The following NDEL1 variants were observed in gnomAD, a reference collection of about 807,000 sequenced individuals.
NDEL1 encodes the protein nuclear distribution protein nudE-like 1.
Under a neutral mutation model 45.7 loss-of-function variants are expected in NDEL1, and 9 were observed. The ratio of observed to expected loss-of-function variants is 0.20; its 90% CI spans 0.12 to 0.34. The LOEUF is 0.34. Ranked by LOEUF, NDEL1 falls within the 10% of genes least tolerant of loss-of-function variation. The pLI, the probability that NDEL1 is intolerant of heterozygous loss-of-function variation, is 1.00. For missense variants in NDEL1, 306 were observed against 406.2 expected, an observed-to-expected ratio of 0.75 and a Z score of 2.12; for synonymous variants, 133 against 158.6, an observed-to-expected ratio of 0.84 and a Z score of 1.21.
chr17:8,429,386 T>C (rs562195562), intron 1 of NDEL1, among the ~76,000 whole-genome samples: 3 of 152,306 alleles, frequency 2.0e-5, no homozygotes, highest in South Asian at 2.1e-4. Flanking sequence ...TTGGGGGAGA[T>C]TGGACATCTC....
At chr17:8,459,451 G>A (rs530523685) in intron 7 of NDEL1, among the ~76,000 whole-genome samples, 2 of 152,166 alleles carry the variant, frequency 1.3e-5, no homozygotes, top group Non-Finnish European at 2.9e-5. Context: ...TACAGACAAA[G>A]GGTATCAGTT....
intron 1 of NDEL1, among the ~76,000 whole-genome samples, chr17:8,428,819 T>G (rs373111220): frequency 4.6e-4 from 70 of 151,948 alleles, no homozygotes; most frequent in African/African-American, 1.2e-3. Flanking sequence ...GACTACGGGC[T>G]CCTGCCACCA....
At chr17:8,422,444 G>T (rs1908727410) in intron 1 of NDEL1, among the ~76,000 whole-genome samples, 2 of 151,876 alleles carry the variant, frequency 1.3e-5, no homozygotes, top group South Asian at 4.2e-4. Context: ...AAGCAGCTGG[G>T]ATTACAGGCA....
chr17:8,417,459 G>C (rs968844438), intron 1 of NDEL1, among the ~76,000 whole-genome samples: 6 of 152,162 alleles, frequency 3.9e-5, no homozygotes, highest in Admixed American at 2.6e-4. Flanking sequence ...CACATTGGAG[G>C]CTTCCTCAAA....
intron 6 of NDEL1, 117 bp downstream of exon 6, chr17:8,451,070 T>A (rs1910477036): frequency 3.4e-6 from 3 of 890,246 alleles, no homozygotes; most frequent in East Asian, 3.0e-5. Flanking sequence ...GTTGGTGAAG[T>A]CTAGTGCTAT....
At position 8,415,197 on chromosome 17, in the gene NDEL1, G is replaced by C. The variant is rs932324040; in HGVS notation, c.-13+1928G>C. Among the ~76,000 whole-genome samples the C allele has an allele frequency of 3.2e-5, 4 of 124,640 alleles. No homozygotes were observed. In the South Asian group the frequency reaches 8.0e-4, roughly 25 times the overall value. The allele number at this position is 124,640 out of a possible 152,430, so 81.8% of individuals were successfully genotyped here. ...CTCTTTCTCTCTTTCTTTCTTTTTT[G>C]AGATGGGATCTTGCTCTGTTGCCCA... On this transcript the variant is annotated intron_variant, in intron 1 of 4. Coordinates refer to the NDEL1 transcript ENST00000582812.
intron 1 of NDEL1, among the ~76,000 whole-genome samples, chr17:8,430,535 T>C (rs7219857): frequency 0.97 from 147,778 of 152,198 alleles, 71,907 homozygotes; most frequent in East Asian, 1. Context: ...ACCTCCACCC[T>C]TCCCAGTGGT....
In NDEL1 at chr17:8,454,810, T is replaced by A. The variant is rs748393622; in HGVS notation, c.715T>A (p.Phe239Ile). Reference protein sequence around the residue: ...FPSPKAIPNGFGTSPLTPSAR... With the variant: ...FPSPKAIPNGIGTSPLTPSAR... Reference sequence around the variant, plus strand: ...TTTTTCTCTAGCTATACCAAATGGTTTTGGTACCAGTCCACTAACTCCCTC... The same window carrying A: ...TTTTTCTCTAGCTATACCAAATGGTATTGGTACCAGTCCACTAACTCCCTC... Residue 239 changes from phenylalanine (F) to isoleucine (I), a missense_variant, in exon 7 of 9, where the codon TTT (phenylalanine) becomes ATT (isoleucine). Phe to Ile is a conservative substitution (Grantham distance 21). Around this residue, in one of 3 missense-constraint regions of NDEL1, gnomAD observed 175 missense variants for 205.2 expected, o/e 0.85. Transcript: ENST00000334527. 3 of 1,613,518 alleles carry A rather than the reference T, an allele frequency of 1.9e-6. No homozygotes were observed. The highest frequency in any genetic ancestry group is 1.7e-6 in the Non-Finnish European group (2 of 1,179,652).
intron 1 of NDEL1, among the ~76,000 whole-genome samples, chr17:8,426,354 T>C (rs1460682578): frequency 1.3e-5 from 2 of 152,182 alleles, no homozygotes; most frequent in East Asian, 3.9e-4. Flanking sequence ...AAACACTCCA[T>C]TTCTTTTCAG....
chr17:8,452,740 CTTTTTT>C, intron 6 of NDEL1, among the ~76,000 whole-genome samples: 86 of 95,594 alleles, frequency 9.0e-4, no homozygotes, highest in African/African-American at 3.2e-3. Flanking sequence ...TTTTTCTTCT[CTTTTTT>C]TTTTTTTTTT....
At chr17:8,448,718 C>G (rs970967041) in intron 5 of NDEL1, 32 bp downstream of exon 5, 2 of 1,581,372 alleles carry the variant, frequency 1.3e-6, no homozygotes, top group Non-Finnish European at 1.7e-6. Context: ...ATACAGTTGA[C>G]CCTTGAACAA....
upstream of NDEL1, among the ~76,000 whole-genome samples, chr17:8,430,927 A>G (rs1908984450): frequency 6.6e-6 from 1 of 152,182 alleles, no homozygotes. Context: ...GCTCAACCAC[A>G]AGGGGGAAGG....
In NDEL1 at chr17:8,442,062, A is replaced by G. The variant is rs533479834; in HGVS notation, c.-12-2198A>G. On this transcript the variant is annotated intron_variant, in intron 1 of 8. Transcript: ENST00000334527. ...TCAGATGGCTCTTGGTTGTCCATTTATATTTCAGGGCCGGATAATGATGAT... is the reference window on the plus strand; with the variant it reads ...TCAGATGGCTCTTGGTTGTCCATTTGTATTTCAGGGCCGGATAATGATGAT... Among the ~76,000 whole-genome samples, 7 of 152,220 alleles carry G rather than the reference A, an allele frequency of 4.6e-5. No homozygotes were observed. The South Asian group carries it at 1.5e-3, about 32-fold the overall frequency.
chr17:8,458,076 A>T (rs1377620942), intron 7 of NDEL1, among the ~76,000 whole-genome samples: 1 of 152,014 alleles, frequency 6.6e-6, no homozygotes, highest in East Asian at 1.9e-4. Context: ...TCCCCTGCTT[A>T]TGCCGCTAAA....
rs182537332 is a variant in NDEL1, at chr17:8,446,170, C to T, written c.240+306C>T. ...ATTTGTTTTGACAGATAGGTTGCCTCATTCTGCAGTATGTTTACAATTATA... is the reference window on the plus strand; with the variant it reads ...ATTTGTTTTGACAGATAGGTTGCCTTATTCTGCAGTATGTTTACAATTATA... On this transcript the variant is annotated intron_variant, in intron 3 of 8. Transcript: ENST00000334527. 6.8e-3 allele frequency: 1,355 copies of T among 198,952 alleles called. 8 individuals are homozygous for T. The highest frequency in any genetic ancestry group is 0.01 in the Admixed American group (174 of 16,704). The allele number at this position is 198,952 out of a possible 1,614,324, so 12.3% of individuals were successfully genotyped here. A position where few individuals can be genotyped will look rare whatever the true frequency, so the allele number is the denominator to read the frequency against.
intron 1 of NDEL1, among the ~76,000 whole-genome samples, chr17:8,416,530 G>A (rs1908549490): frequency 2.0e-5 from 3 of 152,158 alleles, no homozygotes; most frequent in Admixed American, 2.0e-4. Flanking sequence ...TATTGTTGAA[G>A]TCTTCTGCTA....
intron 1 of NDEL1, among the ~76,000 whole-genome samples, chr17:8,423,854 C>G (rs555582027): frequency 1.3e-5 from 2 of 152,238 alleles, no homozygotes; most frequent in South Asian, 4.1e-4. Context: ...GTGCTCAGGT[C>G]ACTCTTGTAT....
At position 8,446,810 on chromosome 17, in the gene NDEL1, T is replaced by C. The variant is rs1216816068; in HGVS notation, c.297T>C (p.Asp99=). 1.2e-6 allele frequency: 2 copies of C among 1,614,070 alleles called. No individual in the cohort carries two copies. The highest frequency in any genetic ancestry group is 1.6e-4 in the Middle Eastern group (1 of 6,084). ...QSYKQVSVLE[D]DLSQTRAIKE... Reference sequence around the variant, plus strand: ...ATAAGCAGGTCTCAGTGTTAGAAGATGATTTAAGTCAGACTCGGGCCATTA... The same window carrying C: ...ATAAGCAGGTCTCAGTGTTAGAAGACGATTTAAGTCAGACTCGGGCCATTA... Residue 99 remains aspartate, a synonymous_variant, in exon 4 of 9, where the codon GAT becomes GAC. Coordinates refer to ENST00000334527, the MANE Select transcript of NDEL1 (RefSeq NM_030808.5).
Position 8,446,848 on chromosome 17 carries a change from A to G in NDEL1, c.335A>G (p.His112Arg). ...SQTRAIKEQL[H>R]KYVRELEQAN... ...ACTCGGGCCATTAAGGAGCAGTTGCATAAGTATGTGAGAGAGCTGGAGCAG... is the reference window on the plus strand; with the variant it reads ...ACTCGGGCCATTAAGGAGCAGTTGCGTAAGTATGTGAGAGAGCTGGAGCAG... Residue 112 changes from histidine (H) to arginine (R), a missense_variant, in exon 4 of 9, where the codon CAT becomes CGT. Physicochemically the swap from His to Arg is conservative, Grantham distance 29. This residue lies in a region of NDEL1 where 112 missense variants were observed against 148.3 expected (regional missense o/e 0.76). Coordinates refer to ENST00000334527, the MANE Select transcript of NDEL1 (RefSeq NM_030808.5). 2 of 1,614,234 alleles carry G rather than the reference A, an allele frequency of 1.2e-6. No individual in the cohort carries two copies. The highest frequency in any genetic ancestry group is 1.7e-6 in the Non-Finnish European group (2 of 1,180,038).
Sources: allele counts gnomAD v4.1 joint callset (sites outside exome capture counted in the v4.1 genomes callset), GRCh38; gene constraint gnomAD v4.1.1; regional missense constraint gnomAD v4.1.1; transcripts MANE v1.5; gene names NCBI Gene and HGNC (gene_info 2026-07-23, HGNC 2026-07-21).